REC8: variants seen among roughly 807,000 people sequenced by gnomAD.
REC8 encodes meiotic recombination protein REC8 homolog.
A neutral mutation model predicts 78.3 loss-of-function variants in REC8; 42 were observed. The ratio of observed to expected loss-of-function variants is 0.54; its 90% CI spans 0.42 to 0.69. REC8 has a LOEUF of 0.69. Ranked by LOEUF, REC8 falls within the 30% of genes least tolerant of loss-of-function variation. The probability of loss-of-function intolerance (pLI) is 0.00; values close to 1 mark genes in which losing one functional copy is unlikely to be tolerated. For synonymous variants in REC8, 268 were observed against 274.1 expected, an observed-to-expected ratio of 0.98 and a Z score of 0.22; for missense variants, 581 against 715.8, an observed-to-expected ratio of 0.81 and a Z score of 2.15.
chr14:24,173,497 A>T lies in REC8; in HGVS notation c.462+86A>T. ...GTCACTCTGACATTGGGGTTGGGGA[A>T]GGAAGCTTACCACAGCTCTCTCCCA... is the stretch of plus-strand genomic sequence containing the variant. On this transcript the variant is annotated intron_variant, in intron 5 of 18. Coordinates refer to ENST00000611366, the MANE Select transcript of REC8 (RefSeq NM_001048205.2). 7.0e-6 allele frequency: 11 copies of T among 1,575,274 alleles called. No individual in the cohort carries two copies. In the South Asian group the frequency reaches 1.1e-4, roughly 15 times the overall value.
Position 24,180,024 on chromosome 14 carries a change from C to G in REC8, c.1573C>G (p.Gln525Glu), listed in dbSNP as rs771590672. 2.5e-6 allele frequency: 4 copies of G among 1,614,204 alleles called. No homozygotes were observed. Among genetic ancestry groups the G allele is most frequent in the Non-Finnish European group, 3.4e-6 (4 of 1,180,024 alleles). The change falls in exon 19 of 19, where the codon CAG becomes GAG. Residue 525 changes from glutamine to glutamate, a missense_variant. Physicochemically the swap from Gln to Glu is conservative, Grantham distance 29. Transcript: ENST00000611366. ...CTCTTGACCAGTGCTCTCAGCGCAA[C>G]AGATTCTTCACGTGAAACAAGAAAA... Reference protein sequence around the residue: ...FYLLLVLSAQQILHVKQEKPY... With the variant: ...FYLLLVLSAQEILHVKQEKPY...
Position 24,172,908 on chromosome 14 carries a change from C to G in REC8, c.135C>G (p.Ile45Met), listed in dbSNP as rs775219506. The G allele has an allele frequency of 2.5e-6, 4 of 1,612,748 alleles. No homozygotes were observed. Among genetic ancestry groups the G allele is most frequent in the African/African-American group, 1.3e-5 (1 of 75,066 alleles). Residue 45 changes from isoleucine to methionine, a missense_variant, in exon 3 of 19, where the codon ATC (isoleucine) becomes ATG (methionine). Physicochemically the swap from Ile to Met is conservative, Grantham distance 10. Coordinates refer to ENST00000611366, the MANE Select transcript of REC8 (RefSeq NM_001048205.2). Reference protein sequence around the residue: ...RVNVVKTCEEILNYVLVRVQP... With the variant: ...RVNVVKTCEEMLNYVLVRVQP... ...GCGCATTGTTCCCCAGCGAGGAAAT[C>G]CTCAATTACGTGCTGGTACGAGTGC...
chr14:24,173,507 C>T lies in REC8; in HGVS notation c.462+96C>T, dbSNP rs566538383. ...CATTGGGGTTGGGGAAGGAAGCTTA[C>T]CACAGCTCTCTCCCACAGGAGATGG... On this transcript the variant is annotated intron_variant, in intron 5 of 18. Coordinates refer to ENST00000611366, the MANE Select transcript of REC8 (RefSeq NM_001048205.2). 1,553 of 1,563,782 alleles carry T rather than the reference C, an allele frequency of 9.9e-4. 1 individual carries two copies. The highest frequency in any genetic ancestry group is 1.2e-3 in the Non-Finnish European group (1,439 of 1,158,524).
In REC8 at chr14:24,178,089, AGAG is replaced by A. The variant is rs748188750; in HGVS notation, c.868_870del (p.Arg290del). ...CCCCTACCTGCCCTCCCCACTCAAC[AGAG>A]GAGGCCCCCAGTCCCCCCACCTCCT... On this transcript the variant is annotated splice_acceptor_variant and coding_sequence_variant, in exon 12 of 19. Coordinates refer to ENST00000611366, the MANE Select transcript of REC8 (RefSeq NM_001048205.2). LOFTEE classifies it high-confidence loss of function. 3.0e-5 allele frequency: 48 copies of A among 1,612,424 alleles called. No individual in the cohort carries two copies. Among genetic ancestry groups the A allele is most frequent in the Non-Finnish European group, 3.9e-5 (46 of 1,179,086 alleles).
chr14:24,179,887 G>A lies in REC8; in HGVS notation c.1539G>A (p.Arg513=). ...TCAGCCCCCGCAGGATGGCTGCCCG[G>A]GTCTTCTACCTGCTCCTGGGTGAGT... ...SPLSPRRMAA[R]VFYLLLVLSA... The change falls in exon 18 of 19, where the codon CGG becomes CGA. Residue 513 remains arginine (R), a synonymous_variant. Coordinates refer to ENST00000611366, the MANE Select transcript of REC8 (RefSeq NM_001048205.2). 6.2e-7 allele frequency: 1 copy of A among 1,613,990 alleles called. No homozygotes were observed. The highest frequency in any genetic ancestry group is 8.5e-7 in the Non-Finnish European group (1 of 1,179,944).
intron 5 of REC8, among the ~76,000 whole-genome samples, chr14:24,173,656 G>C (rs2038766218): frequency 6.6e-6 from 1 of 152,116 alleles, no homozygotes; most frequent in South Asian, 2.1e-4. Flanking sequence ...TCTCCACACT[G>C]TTTTCACTGC....
Position 24,172,639 on chromosome 14 carries a change from C to T in REC8, c.56+31C>T, listed in dbSNP as rs900802073. ...GGCGGGGCCCGTTGGCGCGCGATGG[C>T]GGACGCTGCCCGGGATCCCAGCCTG... On this transcript the variant is annotated intron_variant, in intron 1 of 18. Coordinates refer to ENST00000611366, the MANE Select transcript of REC8 (RefSeq NM_001048205.2). 3.7e-6 allele frequency: 6 copies of T among 1,612,722 alleles called. No individual in the cohort carries two copies. In the South Asian group the frequency reaches 4.4e-5, roughly 12 times the overall value.
Position 24,177,232 on chromosome 14 carries a change from T to G in REC8, c.706+10T>G. On this transcript the variant is annotated intron_variant, in intron 8 of 18. Transcript: ENST00000611366. Reference sequence around the variant, plus strand: ...GCTATCTTGTTAGAAAGTAGGTGTCTCCGGCAGCGTAGGGCCCGCCTGGAG... The same window carrying G: ...GCTATCTTGTTAGAAAGTAGGTGTCGCCGGCAGCGTAGGGCCCGCCTGGAG... The G allele has an allele frequency of 6.2e-7, 1 of 1,613,908 alleles. No individual in the cohort carries two copies. Among genetic ancestry groups the G allele is most frequent in the Non-Finnish European group, 8.5e-7 (1 of 1,179,810 alleles).
At chr14:24,172,823 G>A (rs2038726585) in intron 2 of REC8, 42 bp downstream of exon 2, 1 of 1,614,040 alleles carries the variant, frequency 6.2e-7, no homozygotes, top group South Asian at 1.1e-5. Context: ...TGCGGGGGGT[G>A]AGTTAGGGGA....
intron 9 of REC8, 25 bp from the exon 10 acceptor site, chr14:24,177,437 CTCA>C (rs776219843): frequency 1.2e-6 from 2 of 1,614,164 alleles, no homozygotes; most frequent in Non-Finnish European, 1.7e-6. Context: ...GAAGGGTCTC[CTCA>C]TTTCTCTTGC....
At chr14:24,178,533 T>C in intron 12 of REC8, 73 bp from the exon 13 acceptor site, 4 of 1,493,436 alleles carry the variant, frequency 2.7e-6, no homozygotes, top group Non-Finnish European at 2.8e-6. Flanking sequence ...GAACAGTGCA[T>C]TGCAAAGAGG....
chr14:24,179,016 T>C (rs2039034833), intron 14 of REC8, 69 bp from the exon 15 acceptor site: 2 of 1,599,916 alleles, frequency 1.3e-6, no homozygotes, highest in East Asian at 2.2e-5. Context: ...ACAGGCTCAC[T>C]GGCCTTGTGC....
At chr14:24,177,263 T>G (rs17199551) in intron 8 of REC8, 41 bp downstream of exon 8, 1 of 1,611,808 alleles carries the variant, frequency 6.2e-7, no homozygotes, top group South Asian at 1.1e-5. Flanking sequence ...TGGAGCTGGA[T>G]AGTCAGACCC....
At position 24,177,133 on chromosome 14, in the gene REC8, C is replaced by A. The variant is rs749243953; in HGVS notation, c.625-8C>A. Reference sequence around the variant, plus strand: ...AATCCCCTCCCCTTGCTCTTCCTCTCTGGACAGGGTGAACGGGAGCTCCCA... The same window carrying A: ...AATCCCCTCCCCTTGCTCTTCCTCTATGGACAGGGTGAACGGGAGCTCCCA... On this transcript the variant is annotated splice_region_variant and splice_polypyrimidine_tract_variant and intron_variant, in intron 7 of 18. Transcript: ENST00000611366. 2.3e-5 allele frequency: 37 copies of A among 1,613,432 alleles called. No homozygotes were observed. The highest frequency in any genetic ancestry group is 1.3e-5 in the African/African-American group (1 of 74,912).
chr14:24,174,783 GC>G (rs1340951122), intron 5 of REC8, among the ~76,000 whole-genome samples: 1 of 152,028 alleles, frequency 6.6e-6, no homozygotes. Flanking sequence ...CTCAAATGCT[GC>G]CCTTCTCTAT....
downstream of REC8, chr14:24,180,391 C>T (rs771263350): frequency 1.9e-6 from 3 of 1,580,370 alleles, no homozygotes; most frequent in Admixed American, 1.8e-5. Flanking sequence ...GAGAGGTGGT[C>T]TTAAGGCCTG....
In REC8 at chr14:24,172,312, T is replaced by G; in HGVS notation, c.-241T>G. The G allele has an allele frequency of 3.7e-6, 2 of 543,310 alleles. No homozygotes were observed. Among genetic ancestry groups the G allele is most frequent in the Non-Finnish European group, 3.3e-6 (1 of 307,562 alleles). The allele number at this position is 543,310 out of a possible 1,614,324, so 33.7% of individuals were successfully genotyped here. A position where few individuals can be genotyped will look rare whatever the true frequency, so the allele number is the denominator to read the frequency against. On this transcript the variant is annotated 5_prime_UTR_variant, in exon 1 of 19. Coordinates refer to ENST00000611366, the MANE Select transcript of REC8 (RefSeq NM_001048205.2). ...TTTGACGCATCACGTGGCGTGCGGA[T>G]CCACTGAGGGTCCACAGAGAGGGGC... is the stretch of plus-strand genomic sequence containing the variant.
Position 24,172,530 on chromosome 14 carries a change from G to T in REC8, c.-23G>T, listed in dbSNP as rs759738512. 6.2e-7 allele frequency: 1 copy of T among 1,604,098 alleles called. No homozygotes were observed. The highest frequency in any genetic ancestry group is 1.3e-5 in the African/African-American group (1 of 74,780). ...ATCCGAACGGGGATCTGGTGGAATC[G>T]AGGGTGAAAGACCAGAGGGACAATG... On this transcript the variant is annotated 5_prime_UTR_variant, in exon 1 of 19. Coordinates refer to ENST00000611366, the MANE Select transcript of REC8 (RefSeq NM_001048205.2).
chr14:24,175,319 T>G (rs1325943924), intron 5 of REC8: 1 of 417,492 alleles, frequency 2.4e-6, no homozygotes, highest in Admixed American at 3.8e-5. Flanking sequence ...TTGCACAAAT[T>G]GATGAGGGCT....
Sources: allele counts gnomAD v4.1 joint callset (sites outside exome capture counted in the v4.1 genomes callset), GRCh38; gene constraint gnomAD v4.1.1; transcripts MANE v1.5; gene names NCBI Gene and HGNC (gene_info 2026-07-23, HGNC 2026-07-21).